NAPEPLD: variants seen among roughly 807,000 people sequenced by gnomAD.
The protein encoded by NAPEPLD is N-acyl phosphatidylethanolamine phospholipase D.
A neutral mutation model predicts 38.1 loss-of-function variants in NAPEPLD; 23 were observed. The ratio of observed to expected loss-of-function variants is 0.60; its 90% CI spans 0.43 to 0.86. The LOEUF is 0.86. Among genes scored for constraint, NAPEPLD ranks in the 40% least tolerant of loss-of-function variants. The probability of loss-of-function intolerance (pLI) is 0.00; values close to 1 mark genes in which losing one functional copy is unlikely to be tolerated. For missense variants in NAPEPLD, 411 were observed against 476.8 expected, an observed-to-expected ratio of 0.86 and a Z score of 1.28; for synonymous variants, 147 against 162.0, an observed-to-expected ratio of 0.91 and a Z score of 0.71.
intron 2 of NAPEPLD, among the ~76,000 whole-genome samples, chr7:103,123,148 A>G (rs1434762418): frequency 2.6e-5 from 4 of 152,140 alleles, no homozygotes; most frequent in African/African-American, 9.7e-5. Context: ...CCTTCGGGCC[A>G]TCTCTTGAGT....
At chr7:103,131,925 C>T (rs1416915249) in intron 1 of NAPEPLD, among the ~76,000 whole-genome samples, 1 of 152,040 alleles carries the variant, frequency 6.6e-6, no homozygotes, top group Non-Finnish European at 1.5e-5. Context: ...ACTAGCCTGG[C>T]CAACACAGTG....
intron 4 of NAPEPLD, among the ~76,000 whole-genome samples, chr7:103,110,099 T>A (rs902631594): frequency 2.0e-5 from 3 of 152,032 alleles, no homozygotes; most frequent in African/African-American, 4.8e-5. Flanking sequence ...CCAAAAAAAG[T>A]CCAGGACCAG....
At chr7:103,133,407 G>A (rs947900873) in intron 1 of NAPEPLD, among the ~76,000 whole-genome samples, 3 of 152,234 alleles carry the variant, frequency 2.0e-5, no homozygotes, top group Non-Finnish European at 4.4e-5. Context: ...TAAAACCTGA[G>A]CCTTGAAACT....
At chr7:103,125,023 AG>A (rs746713520) in intron 2 of NAPEPLD, among the ~76,000 whole-genome samples, 3 of 152,234 alleles carry the variant, frequency 2.0e-5, no homozygotes, top group Non-Finnish European at 4.4e-5. Flanking sequence ...GAGACAAAAA[AG>A]AAAGATGTGA....
intron 1 of NAPEPLD, among the ~76,000 whole-genome samples, chr7:103,138,844 T>C (rs1810629761): frequency 6.6e-6 from 1 of 152,174 alleles, no homozygotes; most frequent in Admixed American, 6.5e-5. Context: ...AGGACTGGGA[T>C]GTATCTCTAA....
At position 103,103,517 on chromosome 7, in the gene NAPEPLD, A is replaced by C. The variant is rs1202181910; in HGVS notation, c.1094T>G (p.Leu365Arg). The change falls in exon 5 of 5, where the codon CTA becomes CGA. Residue 365 changes from leucine to arginine, a missense_variant. Transcript: ENST00000465647. ...LEPPVKLNEA[L>R]ERYGLNAEDF... is the part of the protein sequence containing the mutation. ...TTCAGCGTTAAGTCCGTATCTCTCT[A>C]GAGCTTCATTCAGCTTCACTGGAGG... 6.3e-7 allele frequency: 1 copy of C among 1,597,098 alleles called. No homozygotes were observed. Among genetic ancestry groups the C allele is most frequent in the African/African-American group, 1.4e-5 (1 of 73,938 alleles).
chr7:103,118,442 A>G (rs1448914124), intron 3 of NAPEPLD, among the ~76,000 whole-genome samples: 3 of 152,236 alleles, frequency 2.0e-5, no homozygotes, highest in Non-Finnish European at 4.4e-5. Flanking sequence ...GCAAAAAACA[A>G]AAAGGGATAA....
intron 1 of NAPEPLD, among the ~76,000 whole-genome samples, chr7:103,137,089 G>A (rs1269636039): frequency 1.3e-5 from 2 of 152,048 alleles, no homozygotes; most frequent in Admixed American, 6.6e-5. Flanking sequence ...ACAGGTGCCC[G>A]CCACCATGCC....
upstream of NAPEPLD, chr7:103,149,683 C>T: frequency 3.6e-6 from 1 of 279,852 alleles, no homozygotes; most frequent in Non-Finnish European, 7.0e-6. Flanking sequence ...GACTCAAACA[C>T]TCTGCAGGGA....
intron 1 of NAPEPLD, among the ~76,000 whole-genome samples, chr7:103,142,964 C>T (rs956010661): frequency 1.3e-5 from 2 of 152,090 alleles, no homozygotes; most frequent in Non-Finnish European, 2.9e-5. Context: ...GGGCTCACAC[C>T]TGTAATCCCA....
rs1802161967 is a variant in NAPEPLD at position 103,099,976 on chromosome 7, A to G, written c.*3453T>C. 6.6e-6 allele frequency: 1 copy of G among 152,200 alleles called. No individual in the cohort carries two copies. The highest frequency in any genetic ancestry group is 1.5e-5 in the Non-Finnish European group (1 of 68,042). 9.4% of individuals were successfully genotyped at this position (152,200 alleles called of 1,614,324 possible). A position where few individuals can be genotyped will look rare whatever the true frequency, so the allele number is the denominator to read the frequency against. ...CTTAGCATTAAGTAAATCAGTATGCAAGCAGTATTTAAGGCAAAGCTTTAA... is the reference window on the plus strand; with the variant it reads ...CTTAGCATTAAGTAAATCAGTATGCGAGCAGTATTTAAGGCAAAGCTTTAA... On this transcript the variant is annotated 3_prime_UTR_variant, in exon 5 of 5. Transcript: ENST00000465647.
chr7:103,149,176 C>T (rs1283223238), upstream of NAPEPLD: 1 of 991,594 alleles, frequency 1.0e-6, no homozygotes, highest in Non-Finnish European at 1.2e-6. Context: ...AAACCGCCTC[C>T]CGCGAGGTCC....
chr7:103,140,541 C>T (rs374209342), intron 1 of NAPEPLD, among the ~76,000 whole-genome samples: 30 of 151,958 alleles, frequency 2.0e-4, no homozygotes, highest in African/African-American at 5.3e-4. Flanking sequence ...TACAGGAGCC[C>T]GCCACCACGC....
chr7:103,107,312 T>C (rs1803566895), intron 4 of NAPEPLD, among the ~76,000 whole-genome samples: 2 of 151,988 alleles, frequency 1.3e-5, no homozygotes, highest in Admixed American at 1.3e-4. Context: ...ACAAAAAGGC[T>C]GAAAACTCCA....
At chr7:103,148,302 C>T (rs1258613754) in intron 1 of NAPEPLD, among the ~76,000 whole-genome samples, 1 of 151,952 alleles carries the variant, frequency 6.6e-6, no homozygotes, top group Non-Finnish European at 1.5e-5. Context: ...TAACAACGTA[C>T]AGTAAAGGCA....
chr7:103,147,553 A>G (rs1448378616), intron 1 of NAPEPLD, among the ~76,000 whole-genome samples: 2 of 152,214 alleles, frequency 1.3e-5, no homozygotes, highest in Admixed American at 6.5e-5. Context: ...ATGTTCATAA[A>G]AATCCTCTCA....
intron 3 of NAPEPLD, among the ~76,000 whole-genome samples, chr7:103,117,505 G>A (rs1805803198): frequency 6.6e-6 from 1 of 152,108 alleles, no homozygotes; most frequent in Admixed American, 6.5e-5. Flanking sequence ...AGAATACCTG[G>A]TGACAGGAGA....
chr7:103,133,374 G>C (rs1468173593), intron 1 of NAPEPLD, among the ~76,000 whole-genome samples: 1 of 152,210 alleles, frequency 6.6e-6, no homozygotes, highest in African/African-American at 2.4e-5. Context: ...ACTGTTGAAA[G>C]GGCAAGAAGG....
chr7:103,137,717 G>A (rs1205629348), intron 1 of NAPEPLD, among the ~76,000 whole-genome samples: 1 of 151,756 alleles, frequency 6.6e-6, no homozygotes, highest in Non-Finnish European at 1.5e-5. Flanking sequence ...TCAGGAGGCT[G>A]AGGTGGGAGG....
Sources: allele counts gnomAD v4.1 joint callset (sites outside exome capture counted in the v4.1 genomes callset), GRCh38; gene constraint gnomAD v4.1.1; transcripts MANE v1.5; gene names NCBI Gene and HGNC (gene_info 2026-07-23, HGNC 2026-07-21).